Variants in WNT9B observed in about 807,000 individuals in gnomAD.
WNT9B encodes the protein protein Wnt-9b.
In WNT9B, 12 loss-of-function variants were observed where a neutral mutation model predicts 30.2. That is an observed-to-expected ratio of 0.40 (90% CI 0.26 to 0.64). The LOEUF (loss-of-function observed/expected upper bound fraction) is 0.64. WNT9B is among the 30% of genes least tolerant of loss of function. WNT9B has a pLI of 0.42. For missense variants in WNT9B, 442 were observed against 485.2 expected, an observed-to-expected ratio of 0.91 and a Z score of 0.84; for synonymous variants, 218 against 216.9, an observed-to-expected ratio of 1.01 and a Z score of -0.05.
At chr17:46,868,615 CA>C (rs2085183539) in intron 1 of WNT9B, among the ~76,000 whole-genome samples, 1 of 151,970 alleles carries the variant, frequency 6.6e-6, no homozygotes, top group African/African-American at 2.4e-5. Context: ...CAAAACAAAA[CA>C]AAACAAAAAC....
At chr17:46,872,799 G>A (rs767563962) in intron 2 of WNT9B, 26 bp downstream of exon 2, 2 of 1,313,892 alleles carry the variant, frequency 1.5e-6, no homozygotes, top group East Asian at 4.8e-5. Context: ...AGGGGACGGG[G>A]AGGGCTGGGG....
chr17:46,866,330 A>G (rs2085135099), intron 1 of WNT9B, among the ~76,000 whole-genome samples: 1 of 152,106 alleles, frequency 6.6e-6, no homozygotes, highest in African/African-American at 2.4e-5. Flanking sequence ...CGGAGAGCAC[A>G]GGAGGGGCTA....
In WNT9B at chr17:46,877,158, G is replaced by A. The variant is rs1347552591; in HGVS notation, c.*440G>A. The A allele has an allele frequency of 1.1e-6, 1 of 914,660 alleles. No homozygotes were observed. Among genetic ancestry groups the A allele is most frequent in the Middle Eastern group, 5.6e-4 (1 of 1,780 alleles). 56.7% of individuals were successfully genotyped at this position (914,660 alleles called of 1,614,324 possible). A position where few individuals can be genotyped will look rare whatever the true frequency, so the allele number is the denominator to read the frequency against. ...GCAGGCAGTGCCAGCTGGAAGTGAA[G>A]GCGGGAGCCTGGCTGAGATGGGTCA... On this transcript the variant is annotated 3_prime_UTR_variant, in exon 4 of 4. Coordinates refer to ENST00000290015, the MANE Select transcript of WNT9B (RefSeq NM_003396.3).
intron 1 of WNT9B, among the ~76,000 whole-genome samples, chr17:46,861,787 G>A (rs541713336): frequency 6.6e-6 from 1 of 152,328 alleles, no homozygotes; most frequent in South Asian, 2.1e-4. Context: ...TGGTTTTAGG[G>A]CAAGACCAAA....
rs7215497 is a variant in WNT9B, at chr17:46,875,388, C to T, written c.600+22C>T. ...CAAGGTGAGCATGTCCCTGGCTGCCCGCAGTGCCTTCCCACCAGGGTACAC... is the reference window on the plus strand; with the variant it reads ...CAAGGTGAGCATGTCCCTGGCTGCCTGCAGTGCCTTCCCACCAGGGTACAC... On this transcript the variant is annotated intron_variant, in intron 3 of 3. Coordinates refer to ENST00000290015, the MANE Select transcript of WNT9B (RefSeq NM_003396.3). The T allele has an allele frequency of 2.1e-3, 3,305 of 1,568,680 alleles. 67 individuals are homozygous for T. In the African/African-American group the frequency reaches 0.037, roughly 18 times the overall value.
chr17:46,838,907 G>A (rs982648640), intron 1 of WNT9B, among the ~76,000 whole-genome samples: 6 of 151,934 alleles, frequency 3.9e-5, no homozygotes, highest in African/African-American at 9.7e-5. Flanking sequence ...AGACGGAGTC[G>A]CACTCTGTCG....
At position 46,880,216 on chromosome 17, in the gene WNT9B, T is replaced by A. The variant is rs1757492868; in HGVS notation, c.*3498T>A. 6.6e-6 allele frequency among the ~76,000 whole-genome samples: 1 copy of A among 152,204 alleles called. No individual in the cohort carries two copies. Among genetic ancestry groups the A allele is most frequent in the Non-Finnish European group, 1.5e-5 (1 of 68,032 alleles). Reference sequence around the variant, plus strand: ...ACATAGTCCTGTCCCCTGGTCTAGATAAGCCCAGCTTTCCTGGTACCCTTC... The same window carrying A: ...ACATAGTCCTGTCCCCTGGTCTAGAAAAGCCCAGCTTTCCTGGTACCCTTC... On this transcript the variant is annotated 3_prime_UTR_variant, in exon 4 of 4. Transcript: ENST00000290015.
intron 1 of WNT9B, among the ~76,000 whole-genome samples, chr17:46,838,801 G>T (rs186812206): frequency 1.6e-3 from 242 of 152,188 alleles, no homozygotes; most frequent in African/African-American, 5.3e-3. Flanking sequence ...AGATAATTTG[G>T]CATAGAGGCC....
At chr17:46,836,967 G>A (rs1356515530) in intron 1 of WNT9B, among the ~76,000 whole-genome samples, 1 of 152,000 alleles carries the variant, frequency 6.6e-6, no homozygotes, top group Non-Finnish European at 1.5e-5. Flanking sequence ...TTTTGAGACA[G>A]AGTCTCGCTC....
chr17:46,854,863 T>C (rs2084913576), intron 1 of WNT9B, among the ~76,000 whole-genome samples: 1 of 152,256 alleles, frequency 6.6e-6, no homozygotes, highest in South Asian at 2.1e-4. Context: ...TTTCACCATG[T>C]TGGGCAGGCT....
Position 46,879,697 on chromosome 17 carries a change from C to T in WNT9B, c.*2979C>T, listed in dbSNP as rs749993933. 1.3e-5 allele frequency among the ~76,000 whole-genome samples: 2 copies of T among 152,166 alleles called. No individual in the cohort carries two copies. Among genetic ancestry groups the T allele is most frequent in the Non-Finnish European group, 2.9e-5 (2 of 68,032 alleles). On this transcript the variant is annotated 3_prime_UTR_variant, in exon 4 of 4. Transcript: ENST00000290015. Reference sequence around the variant, plus strand: ...ATATTTACTGAACATCTCCATAGACCAGGCACTACGGGCTGACCTGCTCTG... The same window carrying T: ...ATATTTACTGAACATCTCCATAGACTAGGCACTACGGGCTGACCTGCTCTG...
At position 46,879,918 on chromosome 17, in the gene WNT9B, G is replaced by C. The variant is rs1598871822; in HGVS notation, c.*3200G>C. Among the ~76,000 whole-genome samples, 2 of 152,362 alleles carry C rather than the reference G, an allele frequency of 1.3e-5. No individual in the cohort carries two copies. The highest frequency in any genetic ancestry group is 4.1e-4 in the South Asian group (2 of 4,834). ...CAGGAACCCATGGAGGCCACTCCAAGGGGTCCTTCTGCCCACACTGCCCAA... is the reference window on the plus strand; with the variant it reads ...CAGGAACCCATGGAGGCCACTCCAACGGGTCCTTCTGCCCACACTGCCCAA... On this transcript the variant is annotated 3_prime_UTR_variant, in exon 4 of 4. Transcript: ENST00000290015.
At chr17:46,856,511 G>A (rs1468277642) in intron 1 of WNT9B, among the ~76,000 whole-genome samples, 3 of 148,186 alleles carry the variant, frequency 2.0e-5, no homozygotes, top group Non-Finnish European at 4.4e-5. Flanking sequence ...TTGAGATGGA[G>A]TCTCACTATG....
chr17:46,869,350 G>A (rs888827965), intron 1 of WNT9B, among the ~76,000 whole-genome samples: 3 of 152,222 alleles, frequency 2.0e-5, no homozygotes, highest in African/African-American at 7.2e-5. Context: ...CACTGGCCAT[G>A]CAGAGCTGGG....
At chr17:46,837,293 C>T (rs2084645415) in intron 1 of WNT9B, among the ~76,000 whole-genome samples, 1 of 152,170 alleles carries the variant, frequency 6.6e-6, no homozygotes, top group East Asian at 1.9e-4. Context: ...CATCCCTTTA[C>T]TTATGTAACC....
At chr17:46,853,694 A>G (rs1418478712) in intron 1 of WNT9B, among the ~76,000 whole-genome samples, 1 of 152,100 alleles carries the variant, frequency 6.6e-6, no homozygotes, top group Non-Finnish European at 1.5e-5. Flanking sequence ...GAAACCAGTT[A>G]TAGAATCTTG....
At chr17:46,866,320 C>T (rs567992445) in intron 1 of WNT9B, among the ~76,000 whole-genome samples, 8 of 152,086 alleles carry the variant, frequency 5.3e-5, no homozygotes, top group East Asian at 1.9e-4. Context: ...AGGTTGGGAG[C>T]GGAGAGCACA....
upstream of WNT9B, among the ~76,000 whole-genome samples, chr17:46,849,236 C>T (rs912553393): frequency 6.6e-5 from 10 of 152,246 alleles, no homozygotes; most frequent in African/African-American, 7.2e-5. Context: ...ATGTCTCCAT[C>T]GAGTCTTGGG....
intron 1 of WNT9B, among the ~76,000 whole-genome samples, chr17:46,862,763 T>C (rs552600457): frequency 6.6e-6 from 1 of 152,230 alleles, no homozygotes; most frequent in Admixed American, 6.5e-5. Flanking sequence ...TTTGTATCTT[T>C]AGTAGAGATG....
Sources: gnomAD v4.1 joint callset for allele counts (sites outside exome capture counted in the v4.1 genomes callset) on GRCh38, gnomAD v4.1.1 for gene constraint, MANE v1.5 for transcripts, NCBI Gene and HGNC (gene_info 2026-07-23, HGNC 2026-07-21) for gene names.